Variants in LRMDA observed in about 807,000 individuals in gnomAD.
LRMDA encodes leucine rich melanocyte differentiation associated.
Under a neutral mutation model 29.8 loss-of-function variants are expected in LRMDA, and 18 were observed. That is an observed-to-expected ratio of 0.60 (90% confidence interval 0.42 to 0.90). LRMDA has a LOEUF of 0.90. Among genes scored for constraint, LRMDA ranks in the 40% least tolerant of loss-of-function variants. The probability of loss-of-function intolerance (pLI) is 0.00; values close to 1 mark genes in which losing one functional copy is unlikely to be tolerated. For synonymous variants in LRMDA, 125 were observed against 109.4 expected (o/e 1.14, Z -0.89); for missense variants, 273 against 273.9 (o/e 1.00, Z 0.02).
intron 2 of LRMDA, among the ~76,000 whole-genome samples, chr10:76,002,864 C>T (rs949577720): frequency 6.2e-4 from 94 of 152,138 alleles, no homozygotes; most frequent in African/African-American, 2.1e-3. Context: ...GCTGAGAGGC[C>T]CAGCCTTCTG....
chr10:76,269,864 A>G (rs1840046594), intron 5 of LRMDA, among the ~76,000 whole-genome samples: 1 of 152,214 alleles, frequency 6.6e-6, no homozygotes, highest in Non-Finnish European at 1.5e-5. Context: ...CTAGTAAGCA[A>G]CAGGGCTAGG....
At chr10:75,483,538 C>T (rs921891050) in intron 2 of LRMDA, among the ~76,000 whole-genome samples, 1 of 152,166 alleles carries the variant, frequency 6.6e-6, no homozygotes, top group Non-Finnish European at 1.5e-5. Flanking sequence ...ACCTTCTTGA[C>T]CTTTATTTTC....
rs181404426 is a variant in LRMDA, at chr10:76,212,186, A to T, written c.517-112215A>T. Among the ~76,000 whole-genome samples, 92 of 151,950 alleles carry T rather than the reference A, an allele frequency of 6.1e-4. 1 individual carries two copies. The highest frequency in any genetic ancestry group is 4.4e-5 in the Non-Finnish European group (3 of 67,998). ...ATGGAGAATACAGAATTAACATAGG[A>T]TACAGATTTTGCACTACAGATTTTT... On this transcript the variant is annotated intron_variant, in intron 5 of 6. Coordinates refer to ENST00000611255, the MANE Select transcript of LRMDA (RefSeq NM_001305581.2).
intron 5 of LRMDA, among the ~76,000 whole-genome samples, chr10:76,285,309 A>G (rs956878417): frequency 5.3e-5 from 8 of 152,096 alleles, no homozygotes; most frequent in Non-Finnish European, 1.2e-4. Context: ...CAGGCACTCT[A>G]CTTACAGTTG....
chr10:76,404,026 C>T (rs752992217), intron 6 of LRMDA, among the ~76,000 whole-genome samples: 7 of 151,984 alleles, frequency 4.6e-5, no homozygotes, highest in African/African-American at 9.7e-5. Flanking sequence ...TTCCCTCTTT[C>T]GCAACTGCCC....
At chr10:75,651,177 A>C (rs1201704571) in intron 2 of LRMDA, among the ~76,000 whole-genome samples, 1 of 152,094 alleles carries the variant, frequency 6.6e-6, no homozygotes, top group African/African-American at 2.4e-5. Context: ...TGTTATGCCA[A>C]AATGTTGCTG....
At chr10:76,103,802 G>C (rs549283829) in intron 5 of LRMDA, among the ~76,000 whole-genome samples, 1 of 152,268 alleles carries the variant, frequency 6.6e-6, no homozygotes, top group African/African-American at 2.4e-5. Flanking sequence ...TGTAATCCCA[G>C]CACTTTGGGA....
intron 2 of LRMDA, among the ~76,000 whole-genome samples, chr10:75,961,703 T>G (rs915688750): frequency 4.6e-5 from 7 of 152,174 alleles, no homozygotes; most frequent in Non-Finnish European, 1.5e-5. Flanking sequence ...ATCAGGTGAG[T>G]GCTGACTTTA....
intron 6 of LRMDA, among the ~76,000 whole-genome samples, chr10:76,522,901 C>G (rs1309954070): frequency 1.3e-5 from 2 of 152,080 alleles, no homozygotes; most frequent in South Asian, 2.1e-4. Flanking sequence ...GGGTAATTTA[C>G]CGCCTCATCC....
At chr10:76,203,768 TACCCATCTCTATTTCATGTGCCCATCC>T (rs1851477177) in intron 5 of LRMDA, among the ~76,000 whole-genome samples, 3 of 137,180 alleles carry the variant, frequency 2.2e-5, no homozygotes, top group South Asian at 5.1e-4. Context: ...TGTGCCCATC[TACCCATCTCTATTTCATGTGCCCATCC>T]ACCCATCTCT....
At chr10:76,549,410 C>T (rs1843467364) in intron 6 of LRMDA, among the ~76,000 whole-genome samples, 1 of 152,188 alleles carries the variant, frequency 6.6e-6, no homozygotes. Flanking sequence ...AATCTGTCCT[C>T]TCCCAGTGGA....
chr10:75,702,688 A>G (rs181462413), intron 2 of LRMDA, among the ~76,000 whole-genome samples: 56 of 152,370 alleles, frequency 3.7e-4, no homozygotes, highest in Non-Finnish European at 5.7e-4. Flanking sequence ...TTTTATTGCC[A>G]TATTTTTGAA....
At chr10:76,084,758 T>C (rs1849107372) in intron 5 of LRMDA, among the ~76,000 whole-genome samples, 1 of 152,204 alleles carries the variant, frequency 6.6e-6, no homozygotes, top group Admixed American at 6.5e-5. Context: ...ATTATTAATA[T>C]CTTCATTTGA....
At position 76,056,558 on chromosome 10, in the gene LRMDA, C is replaced by T. The variant is rs553869020; in HGVS notation, c.399-2108C>T. 4.6e-5 allele frequency among the ~76,000 whole-genome samples: 7 copies of T among 152,330 alleles called. No homozygotes were observed. In the East Asian group the frequency reaches 1.2e-3, roughly 25 times the overall value. Reference sequence around the variant, plus strand: ...TGAGCTGTCCTCTGCTGTCCCTTGGCCTCCCTGCTGTGCTCATCAGCACCC... The same window carrying T: ...TGAGCTGTCCTCTGCTGTCCCTTGGTCTCCCTGCTGTGCTCATCAGCACCC... On this transcript the variant is annotated intron_variant, in intron 4 of 6. Transcript: ENST00000611255.
At chr10:75,468,365 C>A (rs1044318799) in intron 2 of LRMDA, among the ~76,000 whole-genome samples, 1 of 152,098 alleles carries the variant, frequency 6.6e-6, no homozygotes, top group African/African-American at 2.4e-5. Context: ...ATGCTATCTT[C>A]ATTTCTTTGT....
At chr10:76,356,955 G>T (rs1263845313) in intron 6 of LRMDA, among the ~76,000 whole-genome samples, 1 of 152,180 alleles carries the variant, frequency 6.6e-6, no homozygotes, top group Non-Finnish European at 1.5e-5. Context: ...GGTGGGCAAT[G>T]TTGGTAACAA....
At chr10:75,816,990 C>T (rs1023456672) in intron 2 of LRMDA, among the ~76,000 whole-genome samples, 9 of 152,200 alleles carry the variant, frequency 5.9e-5, no homozygotes, top group Admixed American at 5.2e-4. Context: ...TGATTAGAAA[C>T]TTTAACTTCC....
chr10:76,455,205 G>C (rs1842445189), intron 6 of LRMDA, among the ~76,000 whole-genome samples: 1 of 152,188 alleles, frequency 6.6e-6, no homozygotes, highest in Admixed American at 6.5e-5. Flanking sequence ...GAATATTATA[G>C]AAAGAAAGTG....
chr10:76,044,690 C>T (rs866674165), intron 3 of LRMDA, among the ~76,000 whole-genome samples: 3 of 152,134 alleles, frequency 2.0e-5, no homozygotes, highest in Non-Finnish European at 2.9e-5. Flanking sequence ...ACCTTCTCTC[C>T]AGTCTCTATA....
Sources: gnomAD v4.1 joint callset for allele counts (sites outside exome capture counted in the v4.1 genomes callset) on GRCh38, gnomAD v4.1.1 for gene constraint, MANE v1.5 for transcripts, NCBI Gene and HGNC (gene_info 2026-07-23, HGNC 2026-07-21) for gene names.